The following LRP1-AS variants were observed in gnomAD, a reference collection of about 807,000 sequenced individuals.
The protein encoded by LRP1-AS is LRP1 antisense RNA.
chr12:57,144,876 C>A, exon 2 of LRP1-AS: 1 of 1,238,344 alleles, frequency 8.1e-7, no homozygotes, highest in Non-Finnish European at 1.2e-6. Context: ...TTCAAGGTAG[C>A]TGTAAGGATG....
rs148345722 is a variant in LRP1-AS at position 57,144,994 on chromosome 12, C to T, written n.271G>A. On this transcript the variant is annotated non_coding_transcript_exon_variant, in exon 2 of 2. Coordinates refer to ENST00000555461, the Ensembl canonical transcript of LRP1-AS. ...CAGATTTTGATGAGTGCTCAGTGTA[C>T]GGCACCTGCAGCCAGCTATGCACCA... 86 of 1,614,092 alleles carry T rather than the reference C, an allele frequency of 5.3e-5. No individual in the cohort carries two copies. The East Asian group carries it at 1.0e-3, about 19-fold the overall frequency.
chr12:57,146,690 T>C (rs1324561119), intron 1 of LRP1-AS: 1 of 152,314 alleles, frequency 6.6e-6, no homozygotes, highest in Non-Finnish European at 1.5e-5. Context: ...GCATCCCTGA[T>C]AGCGTCCTTG....
chr12:57,144,649 T>C (rs2035362073), exon 2 of LRP1-AS: 1 of 320,126 alleles, frequency 3.1e-6, no homozygotes, highest in Admixed American at 4.3e-5. Flanking sequence ...TCATTTATTA[T>C]CTGAATATAA....
chr12:57,145,359 A>G lies in LRP1-AS; in HGVS notation n.182-276T>C. 6.2e-7 allele frequency: 1 copy of G among 1,614,172 alleles called. No individual in the cohort carries two copies. ...CAGACCACAGCCATGGACTTCAGCT[A>G]TGCCAACGAGACCGTATGCTGGGTG... On this transcript the variant is annotated intron_variant and non_coding_transcript_variant, in intron 1 of 1. Transcript: ENST00000555461.
At chr12:57,144,967 G>A (rs369163027) in exon 2 of LRP1-AS, 26 of 1,613,122 alleles carry the variant, frequency 1.6e-5, no homozygotes, top group African/African-American at 4.0e-5. Flanking sequence ...CCCTTTCCTC[G>A]GCAGATTTTG....
At chr12:57,147,035 A>G (rs2035423715) in intron 1 of LRP1-AS, among the ~76,000 whole-genome samples, 1 of 152,042 alleles carries the variant, frequency 6.6e-6, no homozygotes, top group African/African-American at 2.4e-5. Flanking sequence ...TCATCTCCTT[A>G]TCTGACTTCC....
At chr12:57,145,323 C>A in intron 1 of LRP1-AS, 1 of 1,614,150 alleles carries the variant, frequency 6.2e-7, no homozygotes, top group East Asian at 2.2e-5. Context: ...ATCACACCTA[C>A]GAGCACGCGG....
At chr12:57,145,554 T>C in intron 1 of LRP1-AS, 2 of 1,573,878 alleles carry the variant, frequency 1.3e-6, no homozygotes, top group Non-Finnish European at 1.7e-6. Context: ...AGGTGGACCC[T>C]ATCTTGAACA....
intron 1 of LRP1-AS, chr12:57,145,541 GGAAGGTGGA>G: frequency 6.3e-7 from 1 of 1,594,054 alleles, no homozygotes; most frequent in Non-Finnish European, 8.5e-7. Flanking sequence ...GGGGAGACAG[GGAAGGTGGA>G]CCCTATCTTG....
chr12:57,146,605 AG>A (rs1304665854), intron 1 of LRP1-AS: 1 of 152,182 alleles, frequency 6.6e-6, no homozygotes, highest in African/African-American at 2.4e-5. Flanking sequence ...GGTGGCGAGC[AG>A]GGGTTCCTCT....
chr12:57,144,838 T>G, exon 2 of LRP1-AS: 1 of 872,006 alleles, frequency 1.1e-6, no homozygotes. Context: ...GCACATTTCA[T>G]GCTGTAATAG....
Position 57,145,451 on chromosome 12 carries a change from G to A in LRP1-AS, n.182-368C>T, listed in dbSNP as rs768155333. The A allele has an allele frequency of 1.9e-5, 31 of 1,613,924 alleles. 1 individual carries two copies. Among genetic ancestry groups the A allele is most frequent in the Non-Finnish European group, 2.0e-5 (24 of 1,180,036 alleles). ...CCGCATGCCTGGCCTAAAGGGCTTCGTGGATGAGCACACCATCAACATCTC... is the reference window on the plus strand; with the variant it reads ...CCGCATGCCTGGCCTAAAGGGCTTCATGGATGAGCACACCATCAACATCTC... On this transcript the variant is annotated intron_variant and non_coding_transcript_variant, in intron 1 of 1. Transcript: ENST00000555461.
exon 2 of LRP1-AS, chr12:57,144,813 T>TG: frequency 2.9e-6 from 2 of 700,882 alleles, no homozygotes; most frequent in Admixed American, 2.2e-5. Context: ...CTGGACTTGC[T>TG]GGGTGTTAAG....
intron 1 of LRP1-AS, among the ~76,000 whole-genome samples, chr12:57,145,854 C>A (rs1565717051): frequency 1.3e-5 from 2 of 152,086 alleles, no homozygotes; most frequent in Non-Finnish European, 2.9e-5. Context: ...GGAGCGGAAG[C>A]CTGAGGTGCC....
intron 1 of LRP1-AS, chr12:57,145,391 G>A (rs1348124589): frequency 1.2e-6 from 2 of 1,614,050 alleles, no homozygotes. Context: ...GGTGCATGTT[G>A]GGGACAGTGC....
chr12:57,145,771 C>T lies in LRP1-AS; in HGVS notation n.182-688G>A, dbSNP rs569035975. 5.9e-5 allele frequency among the ~76,000 whole-genome samples: 9 copies of T among 152,296 alleles called. No homozygotes were observed. The East Asian group carries it at 1.7e-3, about 29-fold the overall frequency. The stretch of plus-strand genomic sequence containing the variant: ...CTCCAGAGACCAGGGACTGTCCCTT[C>T]TCTGAGAGGGGAGTGTTGACTAGAC... On this transcript the variant is annotated intron_variant and non_coding_transcript_variant, in intron 1 of 1. Coordinates refer to ENST00000555461, the Ensembl canonical transcript of LRP1-AS.
At chr12:57,144,911 C>A in exon 2 of LRP1-AS, 1 of 1,524,518 alleles carries the variant, frequency 6.6e-7, no homozygotes, top group African/African-American at 1.4e-5. Context: ...GTCTGATGAT[C>A]ACCCACTTCG....
exon 2 of LRP1-AS, chr12:57,145,072 G>A (rs990497481): frequency 6.2e-6 from 10 of 1,613,816 alleles, no homozygotes; most frequent in African/African-American, 1.3e-5. Flanking sequence ...TCCTGCAGCC[G>A]GATAACCGCT....
At position 57,145,334 on chromosome 12, in the gene LRP1-AS, C is replaced by A. The variant is rs143713341; in HGVS notation, n.182-251G>T. Reference sequence around the variant, plus strand: ...TACCATCACACCTACGAGCACGCGGCAGACCACAGCCATGGACTTCAGCTA... The same window carrying A: ...TACCATCACACCTACGAGCACGCGGAAGACCACAGCCATGGACTTCAGCTA... On this transcript the variant is annotated intron_variant and non_coding_transcript_variant, in intron 1 of 1. Coordinates refer to ENST00000555461, the Ensembl canonical transcript of LRP1-AS. 1.1e-5 allele frequency: 18 copies of A among 1,614,046 alleles called. No individual in the cohort carries two copies. In the African/African-American group the frequency reaches 2.4e-4, roughly 22 times the overall value.
Sources: gnomAD v4.1 joint callset for allele counts (sites outside exome capture counted in the v4.1 genomes callset) on GRCh38, gnomAD v4.1.1 for gene constraint, MANE v1.5 for transcripts, NCBI Gene and HGNC (gene_info 2026-07-23, HGNC 2026-07-21) for gene names.